UBE2F: variants seen among roughly 807,000 people sequenced by gnomAD.
UBE2F encodes ubiquitin conjugating enzyme E2 F (putative), also known as NEDD8-conjugating enzyme UBE2F.
A neutral mutation model predicts 29.6 loss-of-function variants in UBE2F; 5 were observed. The observed-to-expected ratio is 0.17, with a 90% CI of 0.09 to 0.36. The LOEUF is 0.36. UBE2F is among the 10% of genes least tolerant of loss of function. UBE2F has a pLI of 1.00. For missense variants in UBE2F, 141 were observed against 228.5 expected, an observed-to-expected ratio of 0.62 and a Z score of 2.47; for synonymous variants, 66 against 81.8, an observed-to-expected ratio of 0.81 and a Z score of 1.04.
intron 8 of UBE2F, 36 bp downstream of exon 8, chr2:238,032,290 A>G (rs1297060013): frequency 7.6e-6 from 12 of 1,569,154 alleles, no homozygotes; most frequent in Middle Eastern, 1.7e-4. Context: ...GTTATTCTCA[A>G]TTTCCTTGTT....
At chr2:237,984,257 A>G (rs2063436147) in intron 2 of UBE2F, among the ~76,000 whole-genome samples, 1 of 152,156 alleles carries the variant, frequency 6.6e-6, no homozygotes, top group South Asian at 2.1e-4. Context: ...CTTGCTGCCC[A>G]TCTCTTAGGT....
intron 2 of UBE2F, among the ~76,000 whole-genome samples, chr2:237,978,724 C>G (rs2063329689): frequency 6.6e-6 from 1 of 152,150 alleles, no homozygotes; most frequent in Non-Finnish European, 1.5e-5. Flanking sequence ...CTCCTGACTC[C>G]AGAAGCTGGG....
chr2:238,008,828 A>G (rs1418499799), intron 4 of UBE2F, among the ~76,000 whole-genome samples: 1 of 152,214 alleles, frequency 6.6e-6, no homozygotes, highest in Non-Finnish European at 1.5e-5. Flanking sequence ...CCCAGAATAT[A>G]TTATCTGTGC....
In UBE2F at chr2:237,987,910, A is replaced by G. The variant is rs969319529; in HGVS notation, c.119-53A>G. On this transcript the variant is annotated intron_variant, in intron 2 of 9. Coordinates refer to ENST00000272930, the MANE Select transcript of UBE2F (RefSeq NM_080678.3). ...GGAAATTGCCAATTTAGAACTGGTGATTTTATGTGGAGTAATTGACTAATA... is the reference window on the plus strand; with the variant it reads ...GGAAATTGCCAATTTAGAACTGGTGGTTTTATGTGGAGTAATTGACTAATA... 116 of 999,898 alleles carry G rather than the reference A, an allele frequency of 1.2e-4. 2 individuals carry two copies. In the African/African-American group the frequency reaches 1.8e-3, roughly 16 times the overall value. The allele number at this position is 999,898 out of a possible 1,614,324, so 61.9% of individuals were successfully genotyped here.
At chr2:237,983,023 CAG>C (rs1243460410) in intron 2 of UBE2F, among the ~76,000 whole-genome samples, 4 of 152,154 alleles carry the variant, frequency 2.6e-5, no homozygotes, top group Non-Finnish European at 5.9e-5. Context: ...TTTGTAGTGA[CAG>C]AGTCTCACTA....
intron 2 of UBE2F, among the ~76,000 whole-genome samples, chr2:237,986,863 G>A (rs10929261): frequency 0.86 from 130,664 of 152,176 alleles, 56,250 homozygotes; most frequent in East Asian, 0.97. Flanking sequence ...TTTCTGTTCT[G>A]TGTGTCTGTT....
Position 238,024,516 on chromosome 2 carries a change from T to G in UBE2F, c.283-826T>G, listed in dbSNP as rs76304786. Among the ~76,000 whole-genome samples, 228 of 152,218 alleles carry G rather than the reference T, an allele frequency of 1.5e-3. 2 individuals carry two copies. Among genetic ancestry groups the G allele is most frequent in the Non-Finnish European group, 2.2e-3 (149 of 68,006 alleles). The stretch of plus-strand genomic sequence containing the variant: ...AGGAGCTACCATGCCCAGCTCTTTT[T>G]TTTTCCCTGGAGAGACAGGGTCTTA... On this transcript the variant is annotated intron_variant, in intron 5 of 9. Transcript: ENST00000272930.
intron 2 of UBE2F, among the ~76,000 whole-genome samples, chr2:237,974,150 C>A (rs1012114244): frequency 5.5e-5 from 8 of 144,992 alleles, no homozygotes; most frequent in Non-Finnish European, 1.1e-4. Context: ...CCCGCCACCA[C>A]GCCCAGCTCA....
chr2:238,016,827 T>G lies in UBE2F; in HGVS notation c.282+194T>G, dbSNP rs565352742. 2.0e-5 allele frequency among the ~76,000 whole-genome samples: 3 copies of G among 152,314 alleles called. No homozygotes were observed. In the East Asian group the frequency reaches 5.8e-4, roughly 29 times the overall value. ...GAGTGTTAGTAGAGAATTCCGTTTA[T>G]TCAGCAAATACTTATGAGTACTATG... On this transcript the variant is annotated intron_variant, in intron 5 of 9. Coordinates refer to ENST00000272930, the MANE Select transcript of UBE2F (RefSeq NM_080678.3).
In UBE2F at chr2:237,967,021, G is replaced by C. The variant is rs2063066899; in HGVS notation, c.-128G>C. The C allele has an allele frequency of 7.9e-7, 1 of 1,269,238 alleles. No individual in the cohort carries two copies. The highest frequency in any genetic ancestry group is 1.0e-6 in the Non-Finnish European group (1 of 1,001,116). The allele number at this position is 1,269,238 out of a possible 1,614,324, so 78.6% of individuals were successfully genotyped here. A position where few individuals can be genotyped will look rare whatever the true frequency, so the allele number is the denominator to read the frequency against. The stretch of plus-strand genomic sequence containing the variant: ...CCGAGTCCCCGCCCCGCCACTTCCG[G>C]TCCCGCCGCCGGGAGCCGGTGCGGC... On this transcript the variant is annotated 5_prime_UTR_variant, in exon 1 of 10. Transcript: ENST00000272930. The surrounding 1 kb of genome is among the most constrained non-coding windows in gnomAD (Gnocchi z 6.3).
Position 238,027,617 on chromosome 2 carries a change from T to G in UBE2F, c.353+2205T>G, listed in dbSNP as rs74695525. Among the ~76,000 whole-genome samples the G allele has an allele frequency of 4.0e-3, 611 of 152,312 alleles. 4 individuals carry two copies. The highest frequency in any genetic ancestry group is 0.014 in the African/African-American group (564 of 41,570). Reference sequence around the variant, plus strand: ...TAACTCGTATGTACCCTTGGACTTGTCAGCTGCACTTCTAGGGATTTAATC... The same window carrying G: ...TAACTCGTATGTACCCTTGGACTTGGCAGCTGCACTTCTAGGGATTTAATC... On this transcript the variant is annotated intron_variant, in intron 6 of 9. Transcript: ENST00000272930.
intron 4 of UBE2F, among the ~76,000 whole-genome samples, chr2:238,006,709 T>C (rs2063914220): frequency 6.6e-6 from 1 of 152,160 alleles, no homozygotes; most frequent in Non-Finnish European, 1.5e-5. Flanking sequence ...TACAGTCATA[T>C]ATAGAAGTGG....
At chr2:238,037,043 C>T (rs1483709217) in intron 9 of UBE2F, among the ~76,000 whole-genome samples, 4 of 152,086 alleles carry the variant, frequency 2.6e-5, no homozygotes, top group South Asian at 2.1e-4. Context: ...TAGGACAGCA[C>T]CCTGAGCTTG....
rs750995546 is a variant in UBE2F, at chr2:238,035,949, G to C, written c.507+9G>C. 3.1e-6 allele frequency: 5 copies of C among 1,612,100 alleles called. No individual in the cohort carries two copies. The Admixed American group carries it at 8.3e-5, about 27-fold the overall frequency. On this transcript the variant is annotated intron_variant, in intron 9 of 9. Transcript: ENST00000272930. ...ATCATTTGCGGGACAAGGTGAGCCA[G>C]TAACAGGCTTATTCTAGGTTGATGT...
chr2:238,038,220 A>G (rs774885439), intron 9 of UBE2F, among the ~76,000 whole-genome samples: 5 of 152,204 alleles, frequency 3.3e-5, no homozygotes, highest in Non-Finnish European at 2.9e-5. Context: ...CGGGCAGAGC[A>G]GGCCATCTTC....
intron 2 of UBE2F, among the ~76,000 whole-genome samples, chr2:237,974,968 C>G (rs1238058986): frequency 6.6e-6 from 1 of 151,448 alleles, no homozygotes; most frequent in Non-Finnish European, 1.5e-5. Flanking sequence ...GACAGAGTTT[C>G]ACCATGTTAG....
chr2:237,997,369 C>T (rs2063712760), intron 4 of UBE2F, among the ~76,000 whole-genome samples: 2 of 151,960 alleles, frequency 1.3e-5, no homozygotes, highest in South Asian at 2.1e-4. Flanking sequence ...TGTGTATATG[C>T]CCTTATTTTG....
Position 237,967,223 on chromosome 2 carries a change from TGGCGG to T in UBE2F, c.-17+95_-17+99del. 1.1e-6 allele frequency: 1 copy of T among 895,136 alleles called. No homozygotes were observed. Among genetic ancestry groups the T allele is most frequent in the Non-Finnish European group, 1.3e-6 (1 of 747,356 alleles). The allele number at this position is 895,136 out of a possible 1,614,324, so 55.4% of individuals were successfully genotyped here. On this transcript the variant is annotated intron_variant, in intron 1 of 9. Transcript: ENST00000272930. This position sits in a 1 kb window ranked among gnomAD's most constrained non-coding sequence, Gnocchi z 6.3. ...CGGGCCGGGCGGAGGGCGCGGGCGG[TGGCGG>T]GGCCGCCTCGGGCCCGCCGGGTTCC...
intron 4 of UBE2F, among the ~76,000 whole-genome samples, chr2:238,004,503 T>A (rs1031612312): frequency 6.6e-6 from 1 of 152,220 alleles, no homozygotes; most frequent in Non-Finnish European, 1.5e-5. Flanking sequence ...AGTCTATGGC[T>A]CGTCTTTATT....
Sources: allele counts gnomAD v4.1 joint callset (sites outside exome capture counted in the v4.1 genomes callset), GRCh38; gene constraint gnomAD v4.1.1; non-coding constraint Gnocchi (gnomAD v3.1); transcripts MANE v1.5; gene names NCBI Gene and HGNC (gene_info 2026-07-23, HGNC 2026-07-21).